The following B3GALT1 variants were observed in gnomAD, a reference collection of about 807,000 sequenced individuals.
The protein encoded by B3GALT1 is UDP-Gal:betaGlcNAc beta 1,3-galactosyltransferase, polypeptide 1.
Under a neutral mutation model 23.2 loss-of-function variants are expected in B3GALT1, and 10 were observed. The ratio of observed to expected loss-of-function variants is 0.43; its 90% CI spans 0.27 to 0.73. The LOEUF (loss-of-function observed/expected upper bound fraction) is 0.73, where lower values mean the gene tolerates loss of function less well. B3GALT1 is among the 30% of genes least tolerant of loss of function. The probability of loss-of-function intolerance (pLI) is 0.21; values close to 1 mark genes in which losing one functional copy is unlikely to be tolerated. For synonymous variants in B3GALT1, 156 were observed against 141.5 expected (o/e 1.10, Z -0.73); for missense variants, 299 against 405.4 (o/e 0.74, Z 2.25).
intron 2 of B3GALT1, among the ~76,000 whole-genome samples, chr2:167,587,313 T>A (rs1181833293): frequency 6.6e-6 from 1 of 152,226 alleles, no homozygotes; most frequent in Non-Finnish European, 1.5e-5. Flanking sequence ...TTATTGATTA[T>A]TTAGCCAATA....
chr2:167,563,394 C>T (rs1433073198), intron 2 of B3GALT1, among the ~76,000 whole-genome samples: 5 of 137,422 alleles, frequency 3.6e-5, no homozygotes, highest in Non-Finnish European at 8.0e-5. Flanking sequence ...GACGGGGCGG[C>T]TGGCCGGGCG....
chr2:167,312,875 C>A (rs12615782), intron 1 of B3GALT1, among the ~76,000 whole-genome samples: 1 of 151,948 alleles, frequency 6.6e-6, no homozygotes, highest in Non-Finnish European at 1.5e-5. Flanking sequence ...GGTACTGTTA[C>A]AATTTTTTAA....
chr2:167,562,455 A>T (rs938482723), intron 2 of B3GALT1, among the ~76,000 whole-genome samples: 10 of 152,210 alleles, frequency 6.6e-5, no homozygotes, highest in African/African-American at 2.4e-4. Context: ...AGTTCTGGCC[A>T]GGGCAATTAG....
intron 2 of B3GALT1, among the ~76,000 whole-genome samples, chr2:167,498,411 A>G (rs367551951): frequency 6.6e-6 from 1 of 152,184 alleles, no homozygotes; most frequent in East Asian, 1.9e-4. Flanking sequence ...ATAACTCAGT[A>G]TACTTCTAAT....
chr2:167,535,891 G>T (rs1348304354), intron 2 of B3GALT1, among the ~76,000 whole-genome samples: 1 of 152,134 alleles, frequency 6.6e-6, no homozygotes, highest in East Asian at 1.9e-4. Context: ...AAAATTGGTT[G>T]TCTAGTGTAG....
At chr2:167,679,596 A>G (rs1686492553) in intron 3 of B3GALT1, among the ~76,000 whole-genome samples, 1 of 152,258 alleles carries the variant, frequency 6.6e-6, no homozygotes, top group Non-Finnish European at 1.5e-5. Context: ...GGCCTCTGAG[A>G]ATTTTCCAGG....
At chr2:167,747,823 T>A (rs1687675398) in intron 3 of B3GALT1, among the ~76,000 whole-genome samples, 1 of 152,188 alleles carries the variant, frequency 6.6e-6, no homozygotes, top group Non-Finnish European at 1.5e-5. Flanking sequence ...TAGAGGTTGT[T>A]TATTGCATTT....
At chr2:167,323,785 G>T (rs1696847801) in intron 1 of B3GALT1, among the ~76,000 whole-genome samples, 1 of 150,838 alleles carries the variant, frequency 6.6e-6, no homozygotes, top group Middle Eastern at 3.4e-3. Flanking sequence ...TGAATTTTGT[G>T]TGTAAAACAC....
chr2:167,806,946 G>A (rs1187419380), intron 3 of B3GALT1, among the ~76,000 whole-genome samples: 2 of 152,212 alleles, frequency 1.3e-5, no homozygotes, highest in East Asian at 1.9e-4. Flanking sequence ...GTCTGGTCCT[G>A]GACTTTTTTT....
intron 2 of B3GALT1, among the ~76,000 whole-genome samples, chr2:167,588,859 TTCC>T (rs1361287068): frequency 6.2e-5 from 9 of 144,044 alleles, no homozygotes; most frequent in African/African-American, 2.4e-4. Flanking sequence ...CCTTCCTTCC[TTCC>T]TTCTTTCCTT....
intron 2 of B3GALT1, among the ~76,000 whole-genome samples, chr2:167,510,263 G>A (rs1176718768): frequency 6.6e-6 from 1 of 152,096 alleles, no homozygotes; most frequent in Non-Finnish European, 1.5e-5. Context: ...TAACATGAGA[G>A]ATTAAGAAAT....
At chr2:167,615,827 G>A (rs926143443) in intron 2 of B3GALT1, among the ~76,000 whole-genome samples, 9 of 152,018 alleles carry the variant, frequency 5.9e-5, no homozygotes, top group Non-Finnish European at 1.2e-4. Flanking sequence ...GCCCCATGTG[G>A]TAGGGTGCTT....
At position 167,863,210 on chromosome 2, in the gene B3GALT1, C is replaced by T. The variant is rs74432997; in HGVS notation, c.-229-5601C>T. Among the ~76,000 whole-genome samples, 1,437 of 151,512 alleles carry T rather than the reference C, an allele frequency of 9.5e-3. 19 individuals carry two copies. Among genetic ancestry groups the T allele is most frequent in the African/African-American group, 0.033 (1,351 of 41,276 alleles). On this transcript the variant is annotated intron_variant, in intron 4 of 4. Coordinates refer to ENST00000392690, the MANE Select transcript of B3GALT1 (RefSeq NM_020981.4). ...AGTGGGCTTTTGGCTTTGAGTTTTCCAGGAAGGAGACAGATTTCTTAAGCA... is the reference window on the plus strand; with the variant it reads ...AGTGGGCTTTTGGCTTTGAGTTTTCTAGGAAGGAGACAGATTTCTTAAGCA...
chr2:167,565,260 G>T (rs143851875), intron 2 of B3GALT1, among the ~76,000 whole-genome samples: 2,516 of 152,266 alleles, frequency 0.017, 61 homozygotes, highest in East Asian at 0.083. Flanking sequence ...ATGGGGAAAG[G>T]ATTCCCTATT....
intron 2 of B3GALT1, among the ~76,000 whole-genome samples, chr2:167,559,509 A>C (rs2105387129): frequency 6.6e-6 from 1 of 152,352 alleles, no homozygotes; most frequent in African/African-American, 2.4e-5. Flanking sequence ...AACTACTCCA[A>C]GCTACAGGAG....
intron 2 of B3GALT1, among the ~76,000 whole-genome samples, chr2:167,538,113 G>A (rs1015204938): frequency 3.3e-5 from 5 of 152,082 alleles, no homozygotes; most frequent in African/African-American, 9.7e-5. Context: ...ATGAGCCACC[G>A]TGCTTGGCCC....
intron 3 of B3GALT1, among the ~76,000 whole-genome samples, chr2:167,651,119 A>G (rs1437349464): frequency 6.6e-6 from 1 of 151,860 alleles, no homozygotes; most frequent in African/African-American, 2.4e-5. Flanking sequence ...TATGCAATGA[A>G]CTTTTGTTAG....
At chr2:167,507,168 G>A (rs777262142) in intron 2 of B3GALT1, among the ~76,000 whole-genome samples, 1 of 152,074 alleles carries the variant, frequency 6.6e-6, no homozygotes, top group Non-Finnish European at 1.5e-5. Context: ...AAGATGAGTG[G>A]AATAGAGGAG....
intron 1 of B3GALT1, among the ~76,000 whole-genome samples, chr2:167,455,752 A>G (rs750531470): frequency 1.4e-4 from 21 of 152,196 alleles, no homozygotes; most frequent in African/African-American, 4.8e-4. Context: ...ACCTCAGGCT[A>G]TCCGCCTGCC....
Sources: allele counts gnomAD v4.1 joint callset (sites outside exome capture counted in the v4.1 genomes callset), GRCh38; gene constraint gnomAD v4.1.1; transcripts MANE v1.5; gene names NCBI Gene and HGNC (gene_info 2026-07-23, HGNC 2026-07-21).